The following ADAMTS17 variants were observed in gnomAD, a reference collection of about 807,000 sequenced individuals.
The protein encoded by ADAMTS17 is A disintegrin and metalloproteinase with thrombospondin motifs 17.
In ADAMTS17, 113 loss-of-function variants were observed where a neutral mutation model predicts 141.5. The observed-to-expected ratio is 0.80, with a 90% CI of 0.69 to 0.93. The LOEUF is 0.93. ADAMTS17 is among the 40% of genes least tolerant of loss of function. The pLI, the probability that ADAMTS17 is intolerant of heterozygous loss-of-function variation, is 0.00. For synonymous variants in ADAMTS17, 768 were observed against 630.6 expected, an observed-to-expected ratio of 1.22 and a Z score of -3.27; for missense variants, 1,659 against 1,517.9, an observed-to-expected ratio of 1.09 and a Z score of -1.54.
At chr15:100,228,086 C>T (rs1354268664) in intron 7 of ADAMTS17, among the ~76,000 whole-genome samples, 2 of 152,202 alleles carry the variant, frequency 1.3e-5, no homozygotes, top group Non-Finnish European at 2.9e-5. Flanking sequence ...ACTACTGGGC[C>T]TCCTTCATGT....
chr15:100,188,190 C>T (rs921924714), intron 8 of ADAMTS17, among the ~76,000 whole-genome samples: 2 of 152,010 alleles, frequency 1.3e-5, no homozygotes, highest in Admixed American at 6.5e-5. Context: ...GATTCTCCTG[C>T]CTCAGCCTCC....
chr15:100,319,545 C>A (rs749571143), intron 3 of ADAMTS17, among the ~76,000 whole-genome samples: 15 of 152,064 alleles, frequency 9.9e-5, no homozygotes, highest in Admixed American at 3.9e-4. Flanking sequence ...CCCGTCTCTA[C>A]TAAAAATACA....
At chr15:100,036,521 G>C (rs566636387) in intron 18 of ADAMTS17, among the ~76,000 whole-genome samples, 1 of 152,204 alleles carries the variant, frequency 6.6e-6, no homozygotes, top group African/African-American at 2.4e-5. Context: ...CTGCACTCAC[G>C]GGAGCCTGCG....
intron 8 of ADAMTS17, among the ~76,000 whole-genome samples, chr15:100,157,362 C>G (rs983778396): frequency 6.6e-6 from 1 of 152,184 alleles, no homozygotes; most frequent in African/African-American, 2.4e-5. Flanking sequence ...GTTTTTATAG[C>G]TTAAGTTAAA....
At chr15:100,225,512 C>T (rs2042269244) in intron 7 of ADAMTS17, among the ~76,000 whole-genome samples, 2 of 151,570 alleles carry the variant, frequency 1.3e-5, no homozygotes, top group Admixed American at 6.6e-5. Flanking sequence ...GTCCTTACAG[C>T]AGTCACGGCC....
At chr15:100,287,879 A>C (rs1388386427) in intron 3 of ADAMTS17, among the ~76,000 whole-genome samples, 1 of 152,256 alleles carries the variant, frequency 6.6e-6, no homozygotes, top group Non-Finnish European at 1.5e-5. Context: ...TATGGAAAGG[A>C]ATGACTGTTA....
At position 99,971,672 on chromosome 15, in the gene ADAMTS17, C is replaced by T. The variant is rs1597461523; in HGVS notation, c.*2730G>A. Reference sequence around the variant, plus strand: ...AACGAAAAAAGGACAATCGTATTGCCATAGAGGCTCTTTTCCTGCATTCTG... The same window carrying T: ...AACGAAAAAAGGACAATCGTATTGCTATAGAGGCTCTTTTCCTGCATTCTG... On this transcript the variant is annotated 3_prime_UTR_variant, in exon 22 of 22. Coordinates refer to ENST00000268070, the MANE Select transcript of ADAMTS17 (RefSeq NM_139057.4). 1 of 152,208 alleles carries T rather than the reference C, an allele frequency of 6.6e-6. No homozygotes were observed. Among genetic ancestry groups the T allele is most frequent in the African/African-American group, 2.4e-5 (1 of 41,520 alleles). The allele number at this position is 152,208 out of a possible 1,614,324, so 9.4% of individuals were successfully genotyped here. A position where few individuals can be genotyped will look rare whatever the true frequency, so the allele number is the denominator to read the frequency against.
intron 8 of ADAMTS17, among the ~76,000 whole-genome samples, chr15:100,183,806 T>A (rs1248895093): frequency 6.6e-6 from 1 of 152,234 alleles, no homozygotes; most frequent in African/African-American, 2.4e-5. Flanking sequence ...CTTACTTTTG[T>A]GGGCTTTAAT....
chr15:100,207,469 C>T (rs1049585310), intron 7 of ADAMTS17, among the ~76,000 whole-genome samples: 10 of 152,088 alleles, frequency 6.6e-5, no homozygotes, highest in Admixed American at 2.6e-4. Flanking sequence ...GGCTAACCCA[C>T]GAGCATGGCG....
At chr15:100,318,305 T>C (rs979915369) in intron 3 of ADAMTS17, among the ~76,000 whole-genome samples, 1 of 150,868 alleles carries the variant, frequency 6.6e-6, no homozygotes, top group Non-Finnish European at 1.5e-5. Context: ...ATACCAGGTA[T>C]GGTCTGAGTG....
chr15:100,004,689 C>T (rs1398683067), intron 18 of ADAMTS17, among the ~76,000 whole-genome samples: 3 of 148,178 alleles, frequency 2.0e-5, no homozygotes, highest in Non-Finnish European at 4.4e-5. Flanking sequence ...GGCGCAATCT[C>T]GGCGCACTGC....
intron 10 of ADAMTS17, among the ~76,000 whole-genome samples, chr15:100,141,238 G>A (rs894478594): frequency 3.3e-5 from 5 of 152,310 alleles, no homozygotes; most frequent in Admixed American, 1.3e-4. Flanking sequence ...CTGTGAAAAC[G>A]CGGGAAGGTT....
intron 14 of ADAMTS17, among the ~76,000 whole-genome samples, chr15:100,106,066 G>C (rs2036397729): frequency 6.6e-6 from 1 of 151,894 alleles, no homozygotes; most frequent in Non-Finnish European, 1.5e-5. Context: ...GCAAAATCTC[G>C]ATTCACTGCA....
intron 7 of ADAMTS17, among the ~76,000 whole-genome samples, chr15:100,237,058 C>T (rs938195920): frequency 6.6e-6 from 1 of 152,196 alleles, no homozygotes; most frequent in Non-Finnish European, 1.5e-5. Context: ...AAGCCAAATT[C>T]CTCAGGCCCC....
At chr15:100,196,629 T>C (rs750293189) in intron 8 of ADAMTS17, among the ~76,000 whole-genome samples, 32 of 152,258 alleles carry the variant, frequency 2.1e-4, no homozygotes, top group Non-Finnish European at 4.1e-4. Context: ...ACCTGGAGAC[T>C]TTCTTCACAT....
chr15:100,268,773 A>C (rs540771747), intron 4 of ADAMTS17, among the ~76,000 whole-genome samples: 1 of 152,354 alleles, frequency 6.6e-6, no homozygotes, highest in African/African-American at 2.4e-5. Flanking sequence ...GAATTAGAAA[A>C]AACTATTCTA....
chr15:100,225,137 C>T (rs886943172), intron 7 of ADAMTS17, among the ~76,000 whole-genome samples: 8 of 152,226 alleles, frequency 5.3e-5, no homozygotes, highest in African/African-American at 7.2e-5. Context: ...GCAAAACATG[C>T]AGCTGCTATT....
chr15:100,230,841 C>G (rs546988464), intron 7 of ADAMTS17, among the ~76,000 whole-genome samples: 1 of 152,346 alleles, frequency 6.6e-6, no homozygotes, highest in Non-Finnish European at 1.5e-5. Flanking sequence ...TACCAAACAC[C>G]TCCTGAAACA....
intron 3 of ADAMTS17, among the ~76,000 whole-genome samples, chr15:100,285,306 C>G (rs1327644417): frequency 6.6e-6 from 1 of 152,088 alleles, no homozygotes; most frequent in Non-Finnish European, 1.5e-5. Flanking sequence ...TTGGGGACTG[C>G]CAAAAATGTT....
Sources: allele counts gnomAD v4.1 joint callset (sites outside exome capture counted in the v4.1 genomes callset), GRCh38; gene constraint gnomAD v4.1.1; transcripts MANE v1.5; gene names NCBI Gene and HGNC (gene_info 2026-07-23, HGNC 2026-07-21).